The following GLI3 variants were observed in gnomAD, a reference collection of about 807,000 sequenced individuals.
GLI3 encodes the protein transcription activator GLI3.
In GLI3, 20 loss-of-function variants were observed where a neutral mutation model predicts 100.8. The observed-to-expected ratio is 0.20, with a 90% confidence interval of 0.14 to 0.29. GLI3 has a LOEUF of 0.29. Among genes scored for constraint, GLI3 ranks in the 10% least tolerant of loss-of-function variants. The pLI is 1.00. For missense variants in GLI3, 2,040 were observed against 2,128.5 expected (o/e 0.96, Z 0.82); for synonymous variants, 938 against 860.5 (o/e 1.09, Z -1.58).
chr7:42,047,917 G>A (rs1216546863), intron 5 of GLI3, among the ~76,000 whole-genome samples: 1 of 152,184 alleles, frequency 6.6e-6, no homozygotes, highest in Non-Finnish European at 1.5e-5. Flanking sequence ...ATCGGCTTTT[G>A]AGGAGCACAG....
chr7:41,972,562 T>C lies in GLI3; in HGVS notation c.1878A>G (p.Lys626=). 6.2e-7 allele frequency: 1 copy of C among 1,611,662 alleles called. No individual in the cohort carries two copies. Among genetic ancestry groups the C allele is most frequent in the Non-Finnish European group, 8.5e-7 (1 of 1,179,948 alleles). ...CTGGGCCATGCACTGTCTTCACATGTTTCCGGAGGGAGCTTGGGTCTGTGT... is the reference window on the plus strand; with the variant it reads ...CTGGGCCATGCACTGTCTTCACATGCTTCCGGAGGGAGCTTGGGTCTGTGT... The part of the protein sequence containing the change: ...KRYTDPSSLR[K]HVKTVHGPEA... The change falls in exon 13 of 15, where the codon AAA becomes AAG. Residue 626 remains lysine (K), a synonymous_variant. Transcript: ENST00000395925. This position sits in a 1 kb window ranked among gnomAD's most constrained non-coding sequence, Gnocchi z 4.4.
At chr7:42,243,453 AT>A (rs1170760462) in intron 1 of GLI3, among the ~76,000 whole-genome samples, 2 of 152,294 alleles carry the variant, frequency 1.3e-5, no homozygotes, top group South Asian at 2.1e-4. Context: ...GTGCTTTAAT[AT>A]TGATCAGATG....
At chr7:42,076,204 T>A (rs747097357) in intron 4 of GLI3, among the ~76,000 whole-genome samples, 18 of 152,238 alleles carry the variant, frequency 1.2e-4, no homozygotes, top group Non-Finnish European at 2.5e-4. Context: ...TTTTCTAATG[T>A]ATGTTATCAC....
intron 2 of GLI3, among the ~76,000 whole-genome samples, chr7:42,182,650 A>ATATATATATATATATATATACATGTGTG (rs1562775667): frequency 5.5e-5 from 3 of 54,098 alleles, no homozygotes; most frequent in African/African-American, 2.0e-4. Context: ...GTGTGTATAT[A>ATATATATATATATATATATACATGTGTG]TATATATATA....
Position 41,978,414 on chromosome 7 carries a change from C to T in GLI3, c.1647+185G>A, listed in dbSNP as rs375260557. ...GCCAGCCACCACTGCCCCCTTGCCA[C>T]TGTGCAGAGCTGCGCTGTCCAACTC... On this transcript the variant is annotated intron_variant, in intron 11 of 14. Coordinates refer to ENST00000395925, the MANE Select transcript of GLI3 (RefSeq NM_000168.6). 1.5e-4 allele frequency among the ~76,000 whole-genome samples: 23 copies of T among 152,348 alleles called. No homozygotes were observed. The East Asian group carries it at 4.2e-3, about 28-fold the overall frequency.
rs565817241 is a variant in GLI3 at position 42,045,434 on chromosome 7, G to A, written c.776C>T (p.Ala259Val). ...SPYADIIPSA[A>V]TAGTGAIHME... ...GTGGATGGCCCCCGTGCCGGCGGTG[G>A]CAGCTGAGGGAATAATGTCTGCATA... The change falls in exon 6 of 15, where the codon GCC becomes GTC. Residue 259 changes from alanine to valine, a missense_variant. By Grantham distance (64) the Ala-to-Val change is moderately conservative. This residue lies in a region of GLI3 where 603 missense variants were observed against 690.9 expected (regional missense o/e 0.87). Transcript: ENST00000395925. 2 of 1,613,892 alleles carry A rather than the reference G, an allele frequency of 1.2e-6. No homozygotes were observed. The highest frequency in any genetic ancestry group is 1.7e-6 in the Non-Finnish European group (2 of 1,179,746).
chr7:42,119,922 G>A (rs1046493301), intron 3 of GLI3, among the ~76,000 whole-genome samples: 2 of 152,140 alleles, frequency 1.3e-5, no homozygotes, highest in South Asian at 2.1e-4. Flanking sequence ...AACTCCCGGG[G>A]ATGTGTTCCA....
At chr7:42,147,930 A>G (rs1338097984) in intron 3 of GLI3, among the ~76,000 whole-genome samples, 1 of 152,076 alleles carries the variant, frequency 6.6e-6, no homozygotes, top group African/African-American at 2.4e-5. Context: ...CTCTAGTTCT[A>G]CTTCTCAACA....
At chr7:42,009,540 A>G (rs1788555044) in intron 10 of GLI3, among the ~76,000 whole-genome samples, 1 of 131,194 alleles carries the variant, frequency 7.6e-6, no homozygotes, top group African/African-American at 2.9e-5. Flanking sequence ...TCATCGTGCC[A>G]TTTGTAAGGA....
Position 41,963,525 on chromosome 7 carries a change from G to C in GLI3, c.*805C>G, listed in dbSNP as rs1282216088. ...TGTCCGTCCCTTCTCTCTAACTGCA[G>C]TGCGAAACAGCACTGAATGTTCATG... is the stretch of plus-strand genomic sequence containing the variant. On this transcript the variant is annotated 3_prime_UTR_variant, in exon 15 of 15. Transcript: ENST00000395925. 6.6e-6 allele frequency: 1 copy of C among 152,208 alleles called. No homozygotes were observed. The highest frequency in any genetic ancestry group is 1.5e-5 in the Non-Finnish European group (1 of 68,058). The allele number at this position is 152,208 out of a possible 1,614,324, so 9.4% of individuals were successfully genotyped here.
intron 10 of GLI3, among the ~76,000 whole-genome samples, chr7:41,984,108 C>T (rs908718956): frequency 1.3e-5 from 2 of 152,042 alleles, no homozygotes; most frequent in Admixed American, 6.5e-5. Flanking sequence ...TTTGGGAAGC[C>T]GAGCCCTGGA....
chr7:42,223,311 G>C lies in GLI3; in HGVS notation c.-42-16C>G. 6.7e-7 allele frequency: 1 copy of C among 1,487,054 alleles called. No homozygotes were observed. Among genetic ancestry groups the C allele is most frequent in the East Asian group, 2.3e-5 (1 of 43,116 alleles). 92.1% of individuals were successfully genotyped at this position (1,487,054 alleles called of 1,614,324 possible). ...CAAAAATGCCCTAAAGAAAACAACA[G>C]AGCCATCAACTTTCCAAAATGGTGG... On this transcript the variant is annotated splice_polypyrimidine_tract_variant and intron_variant, in intron 1 of 14. Transcript: ENST00000395925.
rs1787116208 is a variant in GLI3, at chr7:41,964,869, G to C, written c.4204C>G (p.Leu1402Val). The C allele has an allele frequency of 6.2e-7, 1 of 1,613,910 alleles. No individual in the cohort carries two copies. The highest frequency in any genetic ancestry group is 1.1e-5 in the South Asian group (1 of 91,076). Residue 1402 changes from leucine (L) to valine (V), a missense_variant, in exon 15 of 15, where the codon CTT becomes GTT. By Grantham distance (32) the Leu-to-Val change is conservative. Transcript: ENST00000395925. ...SRRQAMPRDS[L>V]ALQSGQLSDT... ...CTGAGCTGTCCTGACTGCAGAGCAAGGCTGTCCCTCGGCATAGCCTGGCGC... is the reference window on the plus strand; with the variant it reads ...CTGAGCTGTCCTGACTGCAGAGCAACGCTGTCCCTCGGCATAGCCTGGCGC...
intron 7 of GLI3, among the ~76,000 whole-genome samples, chr7:42,027,204 TAGCA>T (rs1789143880): frequency 2.0e-5 from 3 of 152,222 alleles, no homozygotes; most frequent in African/African-American, 7.2e-5. Context: ...ATTTCTCGAC[TAGCA>T]GGCAATGCCA....
chr7:42,183,425 G>A (rs897193302), intron 2 of GLI3, among the ~76,000 whole-genome samples: 6 of 152,104 alleles, frequency 3.9e-5, no homozygotes, highest in African/African-American at 1.4e-4. Flanking sequence ...AATCAGGAAG[G>A]GGCCTGAGGC....
chr7:42,106,527 T>C (rs1322196673), intron 3 of GLI3, among the ~76,000 whole-genome samples: 2 of 152,244 alleles, frequency 1.3e-5, no homozygotes, highest in East Asian at 1.9e-4. Context: ...TGGTGGGCTC[T>C]GTATTTGTTT....
At chr7:42,034,167 A>G (rs1348362525) in intron 7 of GLI3, among the ~76,000 whole-genome samples, 2 of 152,212 alleles carry the variant, frequency 1.3e-5, no homozygotes, top group African/African-American at 4.8e-5. Flanking sequence ...CCGTTTCTTC[A>G]AAATATCATC....
At chr7:42,026,714 G>A (rs1189128723) in intron 7 of GLI3, among the ~76,000 whole-genome samples, 2 of 152,208 alleles carry the variant, frequency 1.3e-5, no homozygotes, top group Non-Finnish European at 2.9e-5. Flanking sequence ...TATAAAAAGA[G>A]AATGGGTGAC....
intron 2 of GLI3, among the ~76,000 whole-genome samples, chr7:42,189,912 G>C (rs12374756): frequency 6.7e-6 from 1 of 148,968 alleles, no homozygotes. Flanking sequence ...AGATAGATTC[G>C]GATATATCCT....
Sources: gnomAD v4.1 joint callset for allele counts (sites outside exome capture counted in the v4.1 genomes callset) on GRCh38, gnomAD v4.1.1 for gene constraint, gnomAD v4.1.1 regional missense constraint, Gnocchi (gnomAD v3.1) non-coding constraint, MANE v1.5 for transcripts, NCBI Gene and HGNC (gene_info 2026-07-23, HGNC 2026-07-21) for gene names.